Variants in ABCA4 observed in about 807,000 individuals in gnomAD.
ABCA4 encodes the protein retinal-specific phospholipid-transporting ATPase ABCA4.
Under a neutral mutation model 263.7 loss-of-function variants are expected in ABCA4, and 196 were observed. The ratio of observed to expected loss-of-function variants is 0.74; its 90% CI spans 0.66 to 0.84. The LOEUF (loss-of-function observed/expected upper bound fraction) is 0.84, where lower values mean the gene tolerates loss of function less well. Among genes scored for constraint, ABCA4 ranks in the 40% least tolerant of loss-of-function variants. The pLI is 0.00. For missense variants in ABCA4, 2,792 were observed against 2,855.1 expected, an observed-to-expected ratio of 0.98 and a Z score of 0.50; for synonymous variants, 1,133 against 1,094.2, an observed-to-expected ratio of 1.04 and a Z score of -0.70.
intron 17 of ABCA4, among the ~76,000 whole-genome samples, chr1:94,049,427 C>T (rs1038771583): frequency 6.6e-6 from 1 of 152,082 alleles, no homozygotes; most frequent in Non-Finnish European, 1.5e-5. Flanking sequence ...AGTTCGAGAC[C>T]AGTCTGACCA....
Position 94,023,373 on chromosome 1 carries a change from AAT to A in ABCA4, c.4667+11_4667+12del, listed in dbSNP as rs908158762. ...AATCTGAGATTTTAATTCTGATAAA[AAT>A]AGTTTCTTACCTCTGTTCATTGACC... On this transcript the variant is annotated intron_variant, in intron 32 of 49. Coordinates refer to ENST00000370225, the MANE Select transcript of ABCA4 (RefSeq NM_000350.3). 3.8e-6 allele frequency: 6 copies of A among 1,597,794 alleles called. No homozygotes were observed. Among genetic ancestry groups the A allele is most frequent in the Non-Finnish European group, 5.1e-6 (6 of 1,165,686 alleles).
intron 38 of ABCA4, 50 bp from the exon 39 acceptor site, chr1:94,011,435 C>T (rs568413080): frequency 6.2e-6 from 10 of 1,610,440 alleles, no homozygotes; most frequent in African/African-American, 2.7e-5. Flanking sequence ...CCCACCCCCC[C>T]TCTCTTCAGC....
intron 3 of ABCA4, among the ~76,000 whole-genome samples, chr1:94,108,922 G>C (rs889226049): frequency 2.0e-5 from 3 of 151,880 alleles, no homozygotes; most frequent in African/African-American, 7.3e-5. Context: ...ACAGGCGCCC[G>C]CCACCACACC....
intron 32 of ABCA4, 54 bp downstream of exon 32, chr1:94,023,332 A>C: frequency 6.8e-7 from 1 of 1,460,972 alleles, no homozygotes; most frequent in Non-Finnish European, 9.5e-7. Flanking sequence ...GTGTGCAATT[A>C]TTTCAACAAT....
Position 94,008,741 on chromosome 1 carries a change from A to C in ABCA4, c.5835+10T>G, listed in dbSNP as rs1467436207. 6.2e-7 allele frequency: 1 copy of C among 1,613,888 alleles called. No individual in the cohort carries two copies. Among genetic ancestry groups the C allele is most frequent in the African/African-American group, 1.3e-5 (1 of 74,896 alleles). ...AACCAGCACCTCCAAACTCATACCC[A>C]TTCCCTTACCTTGGTTAGTTCATGT... is the stretch of plus-strand genomic sequence containing the variant. On this transcript the variant is annotated intron_variant, in intron 41 of 49. Transcript: ENST00000370225.
At chr1:94,018,801 G>A (rs6664100) in intron 36 of ABCA4, among the ~76,000 whole-genome samples, 1 of 151,858 alleles carries the variant, frequency 6.6e-6, no homozygotes, top group African/African-American at 2.4e-5. Context: ...AATAGGGTAC[G>A]CTATCCTGAC....
At position 94,044,687 on chromosome 1, in the gene ABCA4, C is replaced by T; in HGVS notation, c.2976G>A (p.Arg992=). The T allele has an allele frequency of 1.2e-6, 2 of 1,614,202 alleles. No individual in the cohort carries two copies. The highest frequency in any genetic ancestry group is 8.5e-7 in the Non-Finnish European group (1 of 1,180,034). The change falls in exon 20 of 50, where the codon AGG becomes AGA. Residue 992 remains arginine (R), a synonymous_variant. Transcript: ENST00000370225. ...CTGCATCCAGGCTGGTTTCAATGTC[C>T]CTTCCCCCAACGAGCACAGTCCCAG... The part of the protein sequence containing the change: ...PTSGTVLVGG[R]DIETSLDAVR...
intron 23 of ABCA4, among the ~76,000 whole-genome samples, chr1:94,040,699 C>T (rs1023989950): frequency 2.0e-5 from 3 of 152,164 alleles, no homozygotes; most frequent in Admixed American, 2.0e-4. Context: ...CCTAGGATGA[C>T]ACAGTTTGTT....
At chr1:94,050,170 T>G (rs1660794955) in intron 17 of ABCA4, among the ~76,000 whole-genome samples, 1 of 152,236 alleles carries the variant, frequency 6.6e-6, no homozygotes, top group African/African-American at 2.4e-5. Flanking sequence ...CTATTTCTGC[T>G]TCCTGAAGGA....
chr1:93,998,994 G>T (rs1262521224), intron 47 of ABCA4, among the ~76,000 whole-genome samples: 1 of 139,892 alleles, frequency 7.1e-6, no homozygotes, highest in East Asian at 2.1e-4. Context: ...CAAGTGATCC[G>T]CCCGCCTTGG....
chr1:94,034,404 T>C (rs542239307), intron 26 of ABCA4, among the ~76,000 whole-genome samples: 129 of 152,186 alleles, frequency 8.5e-4, no homozygotes, highest in Middle Eastern at 6.8e-3. Context: ...CTTCGTTCAG[T>C]CTTGTAATGA....
At chr1:94,001,242 CAG>C (rs752423640) in intron 45 of ABCA4, 137 bp from the exon 46 acceptor site, 14 of 694,420 alleles carry the variant, frequency 2.0e-5, no homozygotes, top group Admixed American at 8.7e-5. Flanking sequence ...TTGAGCAAGA[CAG>C]GGGTACCCTG....
In ABCA4 at chr1:94,078,714, C is replaced by CAGACAGAGATCA. The variant is rs767755028; in HGVS notation, c.1240-20_1240-9dup. ...TTCAAAAGTTGAGTTGGCCTAAAAC[C>CAGACAGAGATCA]AGACAGAGATCAAGACAGAGACACG... On this transcript the variant is annotated splice_polypyrimidine_tract_variant and intron_variant, in intron 9 of 49. Coordinates refer to ENST00000370225, the MANE Select transcript of ABCA4 (RefSeq NM_000350.3). 1.9e-6 allele frequency: 3 copies of CAGACAGAGATCA among 1,595,666 alleles called. No individual in the cohort carries two copies. The highest frequency in any genetic ancestry group is 1.3e-5 in the African/African-American group (1 of 74,714).
At chr1:94,025,486 A>C in intron 30 of ABCA4, 4 of 265,850 alleles carry the variant, frequency 1.5e-5, no homozygotes, top group South Asian at 4.6e-5. Context: ...ACTCCAATAA[A>C]CCCTGGGATC....
At chr1:94,093,384 C>T (rs1281949521) in intron 6 of ABCA4, among the ~76,000 whole-genome samples, 2 of 152,114 alleles carry the variant, frequency 1.3e-5, no homozygotes, top group Admixed American at 6.5e-5. Context: ...GAAGGTAATC[C>T]TAACCCATAA....
At chr1:94,026,431 AG>A (rs1660041394) in intron 30 of ABCA4, among the ~76,000 whole-genome samples, 1 of 152,222 alleles carries the variant, frequency 6.6e-6, no homozygotes, top group Non-Finnish European at 1.5e-5. Context: ...ACTGAGGTTC[AG>A]AACAGTTAGC....
intron 17 of ABCA4, among the ~76,000 whole-genome samples, chr1:94,051,025 GGCCTCCT>G (rs1195660551): frequency 6.6e-6 from 1 of 152,182 alleles, no homozygotes; most frequent in Non-Finnish European, 1.5e-5. Flanking sequence ...TCTCTAGCTA[GGCCTCCT>G]GTTTGGTTCA....
At chr1:94,111,193 T>C (rs905930834) in intron 3 of ABCA4, among the ~76,000 whole-genome samples, 1 of 152,222 alleles carries the variant, frequency 6.6e-6, no homozygotes, top group Non-Finnish European at 1.5e-5. Flanking sequence ...CCAGGTCACA[T>C]TCTGGGGATA....
chr1:94,050,426 G>A (rs1248175741), intron 17 of ABCA4, among the ~76,000 whole-genome samples: 1 of 152,194 alleles, frequency 6.6e-6, no homozygotes, highest in Non-Finnish European at 1.5e-5. Flanking sequence ...GTTGGGTGGA[G>A]ACACTCAGCT....
Sources: allele counts gnomAD v4.1 joint callset (sites outside exome capture counted in the v4.1 genomes callset), GRCh38; gene constraint gnomAD v4.1.1; transcripts MANE v1.5; gene names NCBI Gene and HGNC (gene_info 2026-07-23, HGNC 2026-07-21).